Variants in WDR45B observed in about 807,000 individuals in gnomAD.
WDR45B encodes the protein WD repeat domain phosphoinositide-interacting protein 3.
In WDR45B, 20 loss-of-function variants were observed where a neutral mutation model predicts 44.6. That is an observed-to-expected ratio of 0.45 (90% CI 0.32 to 0.65). The LOEUF is 0.65. WDR45B is among the 30% of genes least tolerant of loss of function. The probability of loss-of-function intolerance (pLI) is 0.05; values close to 1 mark genes in which losing one functional copy is unlikely to be tolerated. For missense variants in WDR45B, 323 were observed against 430.2 expected (o/e 0.75, Z 2.20); for synonymous variants, 169 against 164.9 (o/e 1.02, Z -0.19).
intron 3 of WDR45B, chr17:82,630,023 C>A: frequency 1.3e-5 from 13 of 978,428 alleles, no homozygotes; most frequent in Non-Finnish European, 1.5e-5. Flanking sequence ...TCTGAGACCA[C>A]CGGTGGCCTT....
intron 1 of WDR45B, chr17:82,644,266 T>G: frequency 1.8e-6 from 1 of 544,990 alleles, no homozygotes. Flanking sequence ...ACTTCCCCAC[T>G]GCAGGGGCCT....
intron 2 of WDR45B, among the ~76,000 whole-genome samples, chr17:82,638,248 AGGG>A (rs2045864385): frequency 2.0e-4 from 1 of 5,126 alleles, no homozygotes; most frequent in Non-Finnish European, 3.1e-4. Flanking sequence ...AGGGGAGGGG[AGGG>A]GAGGGGAGGG....
intron 5 of WDR45B, among the ~76,000 whole-genome samples, 199 bp downstream of exon 5, chr17:82,625,190 G>A (rs575140504): frequency 6.6e-6 from 1 of 152,312 alleles, no homozygotes; most frequent in African/African-American, 2.4e-5. Flanking sequence ...CCCCCACTCT[G>A]TGACTCTGGT....
rs1391929486 is a variant in WDR45B, at chr17:82,615,596, A to C, written c.*323T>G. 3 of 418,864 alleles carry C rather than the reference A, an allele frequency of 7.2e-6. No individual in the cohort carries two copies. The highest frequency in any genetic ancestry group is 2.0e-5 in the African/African-American group (1 of 49,286). 25.9% of individuals were successfully genotyped at this position (418,864 alleles called of 1,614,324 possible). A position where few individuals can be genotyped will look rare whatever the true frequency, so the allele number is the denominator to read the frequency against. ...CGTCCACCCTCTCAGCCCAGTCCCCAGGTCCGTATGGAGCCCCCGTCAGTG... is the reference window on the plus strand; with the variant it reads ...CGTCCACCCTCTCAGCCCAGTCCCCCGGTCCGTATGGAGCCCCCGTCAGTG... On this transcript the variant is annotated 3_prime_UTR_variant, in exon 10 of 10. Transcript: ENST00000392325.
At chr17:82,636,260 C>CAAAAAAAAAAAAAAAAAAAAAAAAAA in intron 2 of WDR45B, among the ~76,000 whole-genome samples, 1 of 104,600 alleles carries the variant, frequency 9.6e-6, no homozygotes, top group Non-Finnish European at 1.9e-5. Flanking sequence ...GACTCCGTCT[C>CAAAAAAAAAAAAAAAAAAAAAAAAAA]AAAAAAAAAA....
intron 2 of WDR45B, among the ~76,000 whole-genome samples, chr17:82,641,254 A>G (rs1461770334): frequency 6.6e-6 from 1 of 152,166 alleles, no homozygotes; most frequent in Non-Finnish European, 1.5e-5. Flanking sequence ...GGCGTGAGCC[A>G]CCGTGCGGGC....
In WDR45B at chr17:82,625,603, G is replaced by A. The variant is rs772934356; in HGVS notation, c.333-120C>T. On this transcript the variant is annotated intron_variant, in intron 4 of 9. Transcript: ENST00000392325. Reference sequence around the variant, plus strand: ...TGAAAATACCACACAGAAAAGGAGTGTTCCTGAAGAAAAAGCTCTGGAGGC... The same window carrying A: ...TGAAAATACCACACAGAAAAGGAGTATTCCTGAAGAAAAAGCTCTGGAGGC... 1.1e-4 allele frequency: 117 copies of A among 1,049,516 alleles called. 1 individual carries two copies. In the Admixed American group the frequency reaches 1.3e-3, roughly 12 times the overall value. 65.0% of individuals were successfully genotyped at this position (1,049,516 alleles called of 1,614,324 possible).
At chr17:82,635,144 A>C (rs2045816591) in intron 2 of WDR45B, among the ~76,000 whole-genome samples, 1 of 151,834 alleles carries the variant, frequency 6.6e-6, no homozygotes, top group Non-Finnish European at 1.5e-5. Context: ...TAAGATGGTA[A>C]ATTTTATTTT....
In WDR45B at chr17:82,644,004, C is replaced by T; in HGVS notation, c.87G>A (p.Met29Ile). 6.2e-7 allele frequency: 1 copy of T among 1,614,088 alleles called. No individual in the cohort carries two copies. The highest frequency in any genetic ancestry group is 8.5e-7 in the Non-Finnish European group (1 of 1,180,014). ...TGTTATAGACTCGGAATCCATTTTCCATCCCACACGCAAAGCATCCTAAAG... is the reference window on the plus strand; with the variant it reads ...TGTTATAGACTCGGAATCCATTTTCTATCCCACACGCAAAGCATCCTAAAG... ...NQDHGCFACG[M>I]ENGFRVYNTD... The change falls in exon 2 of 10, where the codon ATG becomes ATA. Residue 29 changes from methionine (M) to isoleucine (I), a missense_variant. By Grantham distance (10) the Met-to-Ile change is conservative (BLOSUM62 1). Transcript: ENST00000392325.
intron 5 of WDR45B, among the ~76,000 whole-genome samples, chr17:82,622,451 G>C (rs2045631735): frequency 6.6e-6 from 1 of 152,150 alleles, no homozygotes; most frequent in Non-Finnish European, 1.5e-5. Context: ...ATTTTTTTGA[G>C]ACGGAGCCTG....
At position 82,646,512 on chromosome 17, in the gene WDR45B, ACC is replaced by A. The variant is rs71168126; in HGVS notation, c.67+1760_67+1761del. Among the ~76,000 whole-genome samples, 450 of 52,556 alleles carry A rather than the reference ACC, an allele frequency of 8.6e-3. 8 individuals carry two copies. The highest frequency in any genetic ancestry group is 0.029 in the African/African-American group (400 of 14,002). The allele number at this position is 52,556 out of a possible 152,430, so 34.5% of individuals were successfully genotyped here. A position where few individuals can be genotyped will look rare whatever the true frequency, so the allele number is the denominator to read the frequency against. ...TCAAAAAAAAAAAAAAAAAAAAAAA[ACC>A]CAAAACAAAAAAACAGCTAGAAACA... On this transcript the variant is annotated intron_variant, in intron 1 of 9. Coordinates refer to ENST00000392325, the MANE Select transcript of WDR45B (RefSeq NM_019613.4).
chr17:82,617,951 CAG>C, intron 7 of WDR45B, among the ~76,000 whole-genome samples: 1 of 147,768 alleles, frequency 6.8e-6, no homozygotes, highest in East Asian at 2.0e-4. Flanking sequence ...TTTTTTGAGA[CAG>C]AGTCTCGCTC....
chr17:82,615,810 C>G lies in WDR45B; in HGVS notation c.*109G>C. On this transcript the variant is annotated 3_prime_UTR_variant, in exon 10 of 10. Transcript: ENST00000392325. ...CACGTATGGCTTCGAGACCAAGGTC[C>G]CTGGGCAGCCCCTCCAGCCCGTGGC... 2.0e-6 allele frequency: 2 copies of G among 981,472 alleles called. No individual in the cohort carries two copies. Among genetic ancestry groups the G allele is most frequent in the Admixed American group, 3.5e-5 (2 of 57,692 alleles). 60.8% of individuals were successfully genotyped at this position (981,472 alleles called of 1,614,324 possible). A position where few individuals can be genotyped will look rare whatever the true frequency, so the allele number is the denominator to read the frequency against.
At chr17:82,638,145 C>T (rs2045860244) in intron 2 of WDR45B, among the ~76,000 whole-genome samples, 1 of 140,212 alleles carries the variant, frequency 7.1e-6, no homozygotes, top group Admixed American at 7.1e-5. Context: ...AAGATGGAGC[C>T]ACTGCACTCC....
intron 5 of WDR45B, among the ~76,000 whole-genome samples, chr17:82,624,775 C>G (rs531282006): frequency 5.9e-5 from 9 of 151,518 alleles, no homozygotes; most frequent in African/African-American, 1.2e-4. Context: ...CCCGCCACCA[C>G]GCCCGGCTAA....
At chr17:82,645,798 T>C (rs1395442838) in intron 1 of WDR45B, among the ~76,000 whole-genome samples, 1 of 152,128 alleles carries the variant, frequency 6.6e-6, no homozygotes, top group Non-Finnish European at 1.5e-5. Context: ...ATATGAATTG[T>C]TGTATGTCTG....
At chr17:82,616,783 T>C (rs2045542277) in intron 8 of WDR45B, 138 bp from the exon 9 acceptor site, 6 of 1,150,192 alleles carry the variant, frequency 5.2e-6, no homozygotes, top group South Asian at 4.1e-5. Context: ...TTTTTTGCCA[T>C]GCATGACAAA....
intron 6 of WDR45B, among the ~76,000 whole-genome samples, 176 bp downstream of exon 6, chr17:82,621,433 G>A (rs905061381): frequency 6.6e-6 from 1 of 152,174 alleles, no homozygotes; most frequent in Non-Finnish European, 1.5e-5. Flanking sequence ...GGCACAAGAC[G>A]ACCTGTGAAG....
At chr17:82,636,360 CAG>C (rs2045833188) in intron 2 of WDR45B, among the ~76,000 whole-genome samples, 1 of 150,208 alleles carries the variant, frequency 6.7e-6, no homozygotes, top group South Asian at 2.1e-4. Flanking sequence ...AAAAGAAAAA[CAG>C]ATTTTTCAGA....
Sources: allele counts gnomAD v4.1 joint callset (sites outside exome capture counted in the v4.1 genomes callset), GRCh38; gene constraint gnomAD v4.1.1; transcripts MANE v1.5; gene names NCBI Gene and HGNC (gene_info 2026-07-23, HGNC 2026-07-21).